Variants in NDST4 observed in about 807,000 individuals in gnomAD.
NDST4 encodes N-deacetylase and N-sulfotransferase 4.
Under a neutral mutation model 100.8 loss-of-function variants are expected in NDST4, and 63 were observed. That is an observed-to-expected ratio of 0.62 (90% CI 0.51 to 0.77). The LOEUF is 0.77. Among genes scored for constraint, NDST4 ranks in the 30% least tolerant of loss-of-function variants. The pLI is 0.00. For synonymous variants in NDST4, 377 were observed against 361.8 expected, an observed-to-expected ratio of 1.04 and a Z score of -0.48; for missense variants, 943 against 1,018.4, an observed-to-expected ratio of 0.93 and a Z score of 1.01.
intron 6 of NDST4, 78 bp downstream of exon 6, chr4:114,935,128 T>C (rs1166622213): frequency 8.8e-7 from 1 of 1,130,262 alleles, no homozygotes. Context: ...ATAAATATGA[T>C]TTAGTTTAAA....
intron 1 of NDST4, among the ~76,000 whole-genome samples, chr4:115,109,868 A>C (rs954299482): frequency 1.3e-5 from 2 of 151,920 alleles, no homozygotes; most frequent in African/African-American, 4.8e-5. Flanking sequence ...ATACTGATGA[A>C]TATAGACAAA....
In NDST4 at chr4:114,918,765, G is replaced by A. The variant is rs115820278; in HGVS notation, c.1536+16441C>T. The stretch of plus-strand genomic sequence containing the variant: ...TGACCAATCAGAAATGAACAAGTTT[G>A]AAGTCTTCATTTGCATAAATGGACC... On this transcript the variant is annotated intron_variant, in intron 6 of 13. Transcript: ENST00000264363. Among the ~76,000 whole-genome samples, 1,153 of 152,112 alleles carry A rather than the reference G, an allele frequency of 7.6e-3. 16 individuals carry two copies. Among genetic ancestry groups the A allele is most frequent in the African/African-American group, 0.027 (1,101 of 41,488 alleles).
chr4:114,920,583 G>A (rs1397610525), intron 6 of NDST4, among the ~76,000 whole-genome samples: 12 of 152,148 alleles, frequency 7.9e-5, no homozygotes, highest in Non-Finnish European at 5.9e-5. Context: ...AACACTTCAT[G>A]CTTGGAATCT....
chr4:114,892,803 A>T (rs116791299), intron 6 of NDST4, among the ~76,000 whole-genome samples: 1,871 of 151,886 alleles, frequency 0.012, 33 homozygotes, highest in African/African-American at 0.043. Context: ...TTCTTAAAAA[A>T]GGGGTACATT....
intron 2 of NDST4, among the ~76,000 whole-genome samples, chr4:115,034,460 G>A (rs977003858): frequency 4.0e-5 from 6 of 151,828 alleles, no homozygotes; most frequent in Non-Finnish European, 8.8e-5. Flanking sequence ...GGGAATAAGA[G>A]GTGATTACAA....
At chr4:114,926,241 G>A (rs1187659554) in intron 6 of NDST4, among the ~76,000 whole-genome samples, 2 of 152,114 alleles carry the variant, frequency 1.3e-5, no homozygotes, top group African/African-American at 2.4e-5. Flanking sequence ...ATGTTAAATA[G>A]ACAGATGTCG....
chr4:115,033,149 A>ATGTG (rs1728154275), intron 2 of NDST4, among the ~76,000 whole-genome samples: 1 of 116,064 alleles, frequency 8.6e-6, no homozygotes, highest in Admixed American at 8.5e-5. Flanking sequence ...ATATATATAT[A>ATGTG]TATATATATT....
intron 2 of NDST4, among the ~76,000 whole-genome samples, chr4:115,011,526 C>T (rs1428795642): frequency 6.6e-6 from 1 of 151,538 alleles, no homozygotes; most frequent in Non-Finnish European, 1.5e-5. Flanking sequence ...GCTTTATGAA[C>T]TAACATTTCT....
chr4:114,958,906 T>C (rs1726199404), intron 4 of NDST4, among the ~76,000 whole-genome samples: 1 of 152,168 alleles, frequency 6.6e-6, no homozygotes, highest in Non-Finnish European at 1.5e-5. Flanking sequence ...TGTGAATGAA[T>C]AAAACTGAAT....
intron 1 of NDST4, among the ~76,000 whole-genome samples, chr4:115,110,838 GA>G (rs567800697): frequency 9.6e-4 from 146 of 151,736 alleles, no homozygotes; most frequent in African/African-American, 3.4e-3. Flanking sequence ...TTGTACTGGA[GA>G]AAAAAAATAA....
At chr4:115,063,578 C>A (rs1054546301) in intron 2 of NDST4, among the ~76,000 whole-genome samples, 4 of 151,684 alleles carry the variant, frequency 2.6e-5, no homozygotes, top group African/African-American at 9.7e-5. Context: ...TTTGTGGTAT[C>A]TTTTGCTGGC....
At chr4:115,111,996 A>C (rs1045045698) in intron 1 of NDST4, among the ~76,000 whole-genome samples, 4 of 151,790 alleles carry the variant, frequency 2.6e-5, no homozygotes, top group Non-Finnish European at 5.9e-5. Flanking sequence ...TTTGCTTATT[A>C]ATTAGTTTTT....
At chr4:114,860,169 G>A (rs1723888743) in intron 7 of NDST4, among the ~76,000 whole-genome samples, 1 of 152,164 alleles carries the variant, frequency 6.6e-6, no homozygotes, top group African/African-American at 2.4e-5. Flanking sequence ...TTAATTAGAA[G>A]CCAGTAAACA....
intron 4 of NDST4, among the ~76,000 whole-genome samples, chr4:114,941,506 A>G (rs1725749854): frequency 1.3e-5 from 2 of 152,186 alleles, no homozygotes; most frequent in South Asian, 4.1e-4. Context: ...TTTTTTTATG[A>G]AAATGAGTTT....
chr4:115,073,368 G>T (rs1729116573), intron 2 of NDST4, among the ~76,000 whole-genome samples: 1 of 152,084 alleles, frequency 6.6e-6, no homozygotes, highest in African/African-American at 2.4e-5. Flanking sequence ...GCACTTCCTT[G>T]TTCATTTAAG....
intron 2 of NDST4, among the ~76,000 whole-genome samples, chr4:115,069,919 T>C (rs1464791238): frequency 6.6e-6 from 1 of 151,714 alleles, no homozygotes; most frequent in Admixed American, 6.6e-5. Flanking sequence ...AGTTAAAAAA[T>C]AACAGTTGCA....
At chr4:115,070,845 C>T (rs760622989) in intron 2 of NDST4, among the ~76,000 whole-genome samples, 6 of 152,200 alleles carry the variant, frequency 3.9e-5, no homozygotes, top group South Asian at 2.1e-4. Context: ...TGGCTCATGC[C>T]TGTAATCCCA....
intron 1 of NDST4, among the ~76,000 whole-genome samples, chr4:115,078,401 T>C (rs1400822289): frequency 6.6e-6 from 1 of 152,154 alleles, no homozygotes; most frequent in Non-Finnish European, 1.5e-5. Flanking sequence ...GATAGTGATA[T>C]GGACAGTGAA....
chr4:115,075,296 T>G (rs773479313), intron 2 of NDST4, among the ~76,000 whole-genome samples: 3 of 152,214 alleles, frequency 2.0e-5, no homozygotes, highest in Admixed American at 2.0e-4. Flanking sequence ...TTTGAGATTA[T>G]AGAAAGGTCT....
Sources: gnomAD v4.1 joint callset for allele counts (sites outside exome capture counted in the v4.1 genomes callset) on GRCh38, gnomAD v4.1.1 for gene constraint, MANE v1.5 for transcripts, NCBI Gene and HGNC (gene_info 2026-07-23, HGNC 2026-07-21) for gene names.